TAFA2: variants seen among roughly 807,000 people sequenced by gnomAD.
TAFA2 encodes the protein chemokine-like protein TAFA-2.
A neutral mutation model predicts 18.8 loss-of-function variants in TAFA2; 7 were observed. The ratio of observed to expected loss-of-function variants is 0.37; its 90% confidence interval spans 0.21 to 0.70. The LOEUF (loss-of-function observed/expected upper bound fraction) is 0.70, where lower values mean the gene tolerates loss of function less well. TAFA2 is among the 30% of genes least tolerant of loss of function. The pLI is 0.53. For missense variants in TAFA2, 122 were observed against 158.1 expected, an observed-to-expected ratio of 0.77 and a Z score of 1.23; for synonymous variants, 60 against 54.2, an observed-to-expected ratio of 1.11 and a Z score of -0.47.
At chr12:62,019,455 T>C (rs1427633925) in intron 1 of TAFA2, among the ~76,000 whole-genome samples, 3 of 146,908 alleles carry the variant, frequency 2.0e-5, no homozygotes, top group African/African-American at 7.6e-5. Flanking sequence ...ATTAAGAAAA[T>C]GTGGCACATA....
chr12:61,854,271 A>G (rs1384933404), intron 2 of TAFA2, among the ~76,000 whole-genome samples: 1 of 152,136 alleles, frequency 6.6e-6, no homozygotes, highest in African/African-American at 2.4e-5. Context: ...AAGATACAAA[A>G]TTTCACACAG....
At chr12:61,777,529 G>A (rs1376813696) in intron 2 of TAFA2, among the ~76,000 whole-genome samples, 2 of 151,700 alleles carry the variant, frequency 1.3e-5, no homozygotes, top group Non-Finnish European at 2.9e-5. Flanking sequence ...TTAACTTATG[G>A]ATCTAGTCCT....
chr12:62,190,895 G>T (rs949707086), intron 1 of TAFA2, among the ~76,000 whole-genome samples: 1 of 152,122 alleles, frequency 6.6e-6, no homozygotes, highest in Non-Finnish European at 1.5e-5. Context: ...CAGCCAGGAT[G>T]GGTCTGGGTG....
chr12:62,122,877 C>G (rs897129387), intron 1 of TAFA2, among the ~76,000 whole-genome samples: 2 of 152,148 alleles, frequency 1.3e-5, no homozygotes, highest in Admixed American at 6.5e-5. Flanking sequence ...GCAGCCCCAT[C>G]ATAAACCATA....
intron 1 of TAFA2, among the ~76,000 whole-genome samples, chr12:61,982,005 G>T (rs1349807234): frequency 1.3e-5 from 2 of 152,102 alleles, no homozygotes; most frequent in African/African-American, 4.8e-5. Context: ...GTTCACTGCG[G>T]CACTATTCAC....
chr12:61,791,283 A>G (rs1870967528), intron 2 of TAFA2, among the ~76,000 whole-genome samples: 1 of 151,854 alleles, frequency 6.6e-6, no homozygotes, highest in Admixed American at 6.6e-5. Context: ...ATACTTCTTG[A>G]CATTGGACTG....
intron 1 of TAFA2, among the ~76,000 whole-genome samples, chr12:61,876,225 C>T (rs1158791176): frequency 2.0e-5 from 3 of 152,186 alleles, no homozygotes; most frequent in Non-Finnish European, 4.4e-5. Flanking sequence ...GACTTTCATT[C>T]CTTTAGTTCT....
intron 2 of TAFA2, among the ~76,000 whole-genome samples, chr12:61,845,325 A>C (rs372757152): frequency 6.6e-6 from 1 of 152,076 alleles, no homozygotes; most frequent in African/African-American, 2.4e-5. Context: ...CCCTGTTTTA[A>C]TTTACTCAAT....
At chr12:61,725,789 G>A (rs1262065269) in intron 4 of TAFA2, among the ~76,000 whole-genome samples, 2 of 151,936 alleles carry the variant, frequency 1.3e-5, no homozygotes, top group Non-Finnish European at 2.9e-5. Context: ...GGAGTTGGAG[G>A]CCATTATTCT....
chr12:62,091,677 A>T (rs1868718937), intron 1 of TAFA2, among the ~76,000 whole-genome samples: 1 of 151,858 alleles, frequency 6.6e-6, no homozygotes, highest in Non-Finnish European at 1.5e-5. Context: ...CTCCAATGCA[A>T]TCATCTGAAG....
chr12:61,839,108 T>C (rs980153578), intron 2 of TAFA2, among the ~76,000 whole-genome samples: 9 of 152,096 alleles, frequency 5.9e-5, no homozygotes, highest in Admixed American at 1.3e-4. Flanking sequence ...TCTGGGACAC[T>C]AAAGCAGACA....
intron 1 of TAFA2, among the ~76,000 whole-genome samples, chr12:62,183,530 C>T (rs1337421361): frequency 6.6e-6 from 1 of 152,154 alleles, no homozygotes; most frequent in Non-Finnish European, 1.5e-5. Context: ...ACTACAGGCA[C>T]TTGCCACCAT....
chr12:62,009,225 G>T (rs564498956), intron 1 of TAFA2, among the ~76,000 whole-genome samples: 1 of 152,056 alleles, frequency 6.6e-6, no homozygotes, highest in South Asian at 2.1e-4. Context: ...GAATTTGGGG[G>T]GCATCATAAG....
chr12:62,214,427 T>A (rs1055122434), intron 1 of TAFA2, among the ~76,000 whole-genome samples: 1 of 152,208 alleles, frequency 6.6e-6, no homozygotes, highest in Admixed American at 6.5e-5. Flanking sequence ...GCCATGATTG[T>A]GAGGCCTCCC....
chr12:61,851,918 A>G (rs966941404), intron 2 of TAFA2, among the ~76,000 whole-genome samples: 4 of 150,968 alleles, frequency 2.6e-5, no homozygotes, highest in African/African-American at 9.7e-5. Flanking sequence ...CATTTTGGAT[A>G]AAAGACAAGC....
At position 61,763,140 on chromosome 12, in the gene TAFA2, T is replaced by A. The variant is rs138106948; in HGVS notation, c.107-8116A>T. Among the ~76,000 whole-genome samples, 4 of 152,074 alleles carry A rather than the reference T, an allele frequency of 2.6e-5. No homozygotes were observed. The South Asian group carries it at 6.2e-4, about 24-fold the overall frequency. On this transcript the variant is annotated intron_variant, in intron 2 of 4. Transcript: ENST00000416284. ...AGAAATAGTAATTTAAATAGCTCAA[T>A]GAAATTTCAAAAGTTCTCATAATTT...
At chr12:61,749,745 A>G (rs1046999961) in intron 4 of TAFA2, among the ~76,000 whole-genome samples, 2 of 152,114 alleles carry the variant, frequency 1.3e-5, no homozygotes, top group Non-Finnish European at 2.9e-5. Context: ...TGAAAAGTCA[A>G]TAGACCTGGG....
intron 1 of TAFA2, among the ~76,000 whole-genome samples, chr12:61,932,887 G>A (rs1175623355): frequency 6.6e-6 from 1 of 152,116 alleles, no homozygotes; most frequent in Non-Finnish European, 1.5e-5. Flanking sequence ...AATATGTTAG[G>A]AAGATCCATT....
chr12:61,841,600 T>A (rs547262765), intron 2 of TAFA2, among the ~76,000 whole-genome samples: 1 of 152,242 alleles, frequency 6.6e-6, no homozygotes, highest in South Asian at 2.1e-4. Flanking sequence ...TTTGTTCTTT[T>A]TGCCTGGAAT....
Sources: gnomAD v4.1 joint callset for allele counts (sites outside exome capture counted in the v4.1 genomes callset) on GRCh38, gnomAD v4.1.1 for gene constraint, MANE v1.5 for transcripts, NCBI Gene and HGNC (gene_info 2026-07-23, HGNC 2026-07-21) for gene names.